DCAF6: variants seen among roughly 807,000 people sequenced by gnomAD.
DCAF6 encodes DDB1- and CUL4-associated factor 6.
DCAF6 carries 54 observed loss-of-function variants against 125.1 expected under a neutral mutation model. The observed-to-expected ratio is 0.43, with a 90% CI of 0.35 to 0.54. The LOEUF (loss-of-function observed/expected upper bound fraction) is 0.54, where lower values mean the gene tolerates loss of function less well. DCAF6 is among the 20% of genes least tolerant of loss of function. The pLI, the probability that DCAF6 is intolerant of heterozygous loss-of-function variation, is 0.01. For missense variants in DCAF6, 934 were observed against 1,161.7 expected (o/e 0.80, Z 2.85); for synonymous variants, 371 against 390.4 (o/e 0.95, Z 0.58).
At chr1:167,984,277 T>C (rs1679623947) in intron 4 of DCAF6, among the ~76,000 whole-genome samples, 1 of 152,206 alleles carries the variant, frequency 6.6e-6, no homozygotes. Flanking sequence ...CTTACACTTT[T>C]CCCCTCCTTC....
chr1:168,006,734 G>C (rs1159962255), intron 10 of DCAF6, among the ~76,000 whole-genome samples: 3 of 152,230 alleles, frequency 2.0e-5, no homozygotes, highest in Non-Finnish European at 4.4e-5. Context: ...TAGAGATAGA[G>C]AAAATGATAA....
intron 14 of DCAF6, among the ~76,000 whole-genome samples, 159 bp from the exon 15 acceptor site, chr1:168,044,424 GAT>G (rs1180304853): frequency 1.3e-5 from 2 of 152,108 alleles, no homozygotes; most frequent in Non-Finnish European, 2.9e-5. Flanking sequence ...GTAATATAGA[GAT>G]AATTTACAGT....
At chr1:168,019,588 G>T (rs114902296) in intron 11 of DCAF6, 5,281 of 455,314 alleles carry the variant, frequency 0.012, 61 homozygotes, top group Non-Finnish European at 0.016. Context: ...CAGAGTGACA[G>T]CACCCTGTGG....
At chr1:167,887,276 G>A in the DCAF6 span, among the ~76,000 whole-genome samples, 1 of 152,324 alleles carries the variant, frequency 6.6e-6, no homozygotes, top group South Asian at 2.1e-4. Context: ...ATTCACAATA[G>A]CAAAGACCTG....
At chr1:167,887,826 G>T in the DCAF6 span, among the ~76,000 whole-genome samples, 28 of 148,402 alleles carry the variant, frequency 1.9e-4, 1 homozygote, top group South Asian at 2.3e-3. Flanking sequence ...TTTTTGCTTT[G>T]GTTGCCTGTG....
At chr1:167,926,180 G>T in the DCAF6 span, among the ~76,000 whole-genome samples, 1 of 152,110 alleles carries the variant, frequency 6.6e-6, no homozygotes, top group Non-Finnish European at 1.5e-5. Flanking sequence ...GTGTACGTTC[G>T]AATTTTCCGT....
In DCAF6 at chr1:168,022,847, C is replaced by CA; in HGVS notation, c.1550-140dup. On this transcript the variant is annotated intron_variant, in intron 11 of 21. Transcript: ENST00000367840. ...TCTTAAGCACATGGCCCTGCTTACT[C>CA]ACTGCTTGGGAATCACACCACAGTA... is the stretch of plus-strand genomic sequence containing the variant. 4.1e-6 allele frequency: 3 copies of CA among 732,080 alleles called. No homozygotes were observed. In the South Asian group the frequency reaches 4.7e-5, roughly 12 times the overall value. 45.3% of individuals were successfully genotyped at this position (732,080 alleles called of 1,614,324 possible). A position where few individuals can be genotyped will look rare whatever the true frequency, so the allele number is the denominator to read the frequency against.
rs540210005 is a variant in DCAF6, at chr1:168,022,819, A to G, written c.1550-169A>G. 6.6e-5 allele frequency among the ~76,000 whole-genome samples: 10 copies of G among 152,294 alleles called. No individual in the cohort carries two copies. The East Asian group carries it at 1.2e-3, about 18-fold the overall frequency. ...TTACTAAATGCTTGCCTGGAATAACATATCTTAAGCACATGGCCCTGCTTA... is the reference window on the plus strand; with the variant it reads ...TTACTAAATGCTTGCCTGGAATAACGTATCTTAAGCACATGGCCCTGCTTA... On this transcript the variant is annotated intron_variant, in intron 11 of 21. Coordinates refer to ENST00000367840, the MANE Select transcript of DCAF6 (RefSeq NM_001198956.2).
At chr1:167,958,001 G>A (rs1675025923) in intron 2 of DCAF6, among the ~76,000 whole-genome samples, 1 of 151,980 alleles carries the variant, frequency 6.6e-6, no homozygotes, top group East Asian at 1.9e-4. Context: ...TTGTCTTTTT[G>A]TTGTTGAGTT....
chr1:168,044,783 C>A, intron 15 of DCAF6, 112 bp downstream of exon 15: 1 of 1,424,038 alleles, frequency 7.0e-7, no homozygotes, highest in African/African-American at 1.4e-5. Context: ...GAAGTTTCCT[C>A]CCCTTATAGA....
the DCAF6 span, among the ~76,000 whole-genome samples, chr1:167,887,795 T>C: frequency 2.6e-5 from 4 of 151,844 alleles, no homozygotes; most frequent in African/African-American, 9.7e-5. Context: ...AAAAAACACT[T>C]GATGTTATCC....
At chr1:167,967,069 ATATAT>A (rs1415108909) in intron 3 of DCAF6, among the ~76,000 whole-genome samples, 1 of 152,164 alleles carries the variant, frequency 6.6e-6, no homozygotes, top group Admixed American at 6.6e-5. Flanking sequence ...TGTTACCTTA[ATATAT>A]TATCTTAACA....
At chr1:167,918,224 TA>T in the DCAF6 span, 1 of 985,742 alleles carries the variant, frequency 1.0e-6, no homozygotes, top group Non-Finnish European at 1.5e-6. Flanking sequence ...CAGTGCCTTC[TA>T]AACACACAGT....
At chr1:167,904,356 G>A in the DCAF6 span, among the ~76,000 whole-genome samples, 3 of 152,198 alleles carry the variant, frequency 2.0e-5, no homozygotes, top group South Asian at 6.2e-4. Flanking sequence ...AAAGTGTTGG[G>A]ATTGCAGGCG....
chr1:167,880,666 T>C, the DCAF6 span: 1 of 1,342,324 alleles, frequency 7.4e-7, no homozygotes, highest in East Asian at 2.3e-5. Flanking sequence ...TAAACTGGAC[T>C]GGCCAGAAGG....
chr1:168,072,340 T>TC (rs1693215600), intron 21 of DCAF6, among the ~76,000 whole-genome samples: 2 of 139,880 alleles, frequency 1.4e-5, no homozygotes, highest in Non-Finnish European at 3.1e-5. Flanking sequence ...AGAAAAGTCT[T>TC]CCCTGGTCAC....
chr1:167,937,312 A>ACCTC, intron 1 of DCAF6: 1 of 362,496 alleles, frequency 2.8e-6, no homozygotes, highest in Non-Finnish European at 5.3e-6. Context: ...GACTTGCGGA[A>ACCTC]CCTCCAGGAG....
the DCAF6 span, among the ~76,000 whole-genome samples, chr1:167,894,913 G>A: frequency 6.6e-6 from 1 of 152,112 alleles, no homozygotes; most frequent in African/African-American, 2.4e-5. Context: ...GGCCGAGCAC[G>A]GTGGCTCACA....
intron 17 of DCAF6, among the ~76,000 whole-genome samples, chr1:168,059,863 G>T (rs1691367938): frequency 6.6e-6 from 1 of 152,044 alleles, no homozygotes; most frequent in Admixed American, 6.5e-5. Flanking sequence ...GCCCAGCCTG[G>T]TTTCAAACTC....
Sources: allele counts gnomAD v4.1 joint callset (sites outside exome capture counted in the v4.1 genomes callset), GRCh38; gene constraint gnomAD v4.1.1; transcripts MANE v1.5; gene names NCBI Gene and HGNC (gene_info 2026-07-23, HGNC 2026-07-21).